The following SEMA3A variants were observed in gnomAD, a reference collection of about 807,000 sequenced individuals.
SEMA3A encodes semaphorin-3A.
A neutral mutation model predicts 97.9 loss-of-function variants in SEMA3A; 29 were observed. That is an observed-to-expected ratio of 0.30 (90% confidence interval 0.22 to 0.40). The LOEUF (loss-of-function observed/expected upper bound fraction) is 0.40, where lower values mean the gene tolerates loss of function less well. Ranked by LOEUF, SEMA3A falls within the 10% of genes least tolerant of loss-of-function variation. The probability of loss-of-function intolerance (pLI) is 1.00; values close to 1 mark genes in which losing one functional copy is unlikely to be tolerated. For synonymous variants in SEMA3A, 321 were observed against 323.7 expected, an observed-to-expected ratio of 0.99 and a Z score of 0.09; for missense variants, 763 against 951.3, an observed-to-expected ratio of 0.80 and a Z score of 2.60.
chr7:84,098,271 TTTTTA>T (rs1240335864), intron 4 of SEMA3A, among the ~76,000 whole-genome samples: 1 of 152,054 alleles, frequency 6.6e-6, no homozygotes, highest in Non-Finnish European at 1.5e-5. Flanking sequence ...TTTATTTTTA[TTTTTA>T]TTTTAAGTAA....
intron 3 of SEMA3A, among the ~76,000 whole-genome samples, chr7:84,229,861 T>G (rs1368501334): frequency 6.6e-6 from 1 of 151,906 alleles, no homozygotes; most frequent in Non-Finnish European, 1.5e-5. Flanking sequence ...AAAACAATTG[T>G]AGTAAAGAAC....
intron 1 of SEMA3A, among the ~76,000 whole-genome samples, chr7:84,410,543 C>G (rs1562937745): frequency 6.6e-6 from 1 of 152,000 alleles, no homozygotes; most frequent in Non-Finnish European, 1.5e-5. Flanking sequence ...GTGCTAGTTT[C>G]CAATAAAGGA....
intron 3 of SEMA3A, among the ~76,000 whole-genome samples, chr7:84,280,930 CA>C (rs1378558713): frequency 1.3e-5 from 2 of 152,048 alleles, no homozygotes; most frequent in Non-Finnish European, 2.9e-5. Context: ...CCCTAAATGA[CA>C]GAATGAATCT....
intron 14 of SEMA3A, among the ~76,000 whole-genome samples, chr7:83,978,442 C>G (rs1018150202): frequency 3.3e-5 from 5 of 152,168 alleles, no homozygotes; most frequent in Admixed American, 2.0e-4. Flanking sequence ...TGTGAAGTTC[C>G]AGGAAGAGGC....
intron 4 of SEMA3A, among the ~76,000 whole-genome samples, chr7:84,086,525 ATATATTAT>A (rs1794365248): frequency 8.8e-5 from 6 of 68,264 alleles, no homozygotes; most frequent in Non-Finnish European, 1.9e-4. Context: ...TTTATATATA[ATATATTAT>A]TATATTATAT....
At position 84,416,787 on chromosome 7, in the gene SEMA3A, G is replaced by C. The variant is rs190935055; in HGVS notation, c.-245-44887C>G. Among the ~76,000 whole-genome samples the C allele has an allele frequency of 1.9e-3, 285 of 152,190 alleles. 1 individual carries two copies. The highest frequency in any genetic ancestry group is 0.014 in the Middle Eastern group (4 of 294). The stretch of plus-strand genomic sequence containing the variant: ...TTTCAAAAAATTGTTGTTCTCAAGT[G>C]TTCTCACTTTTCTTTGAAATTGGAC... On this transcript the variant is annotated intron_variant, in intron 1 of 3. Transcript: ENST00000424555.
chr7:84,177,628 C>T (rs1554340810), intron 1 of SEMA3A, among the ~76,000 whole-genome samples: 1 of 152,030 alleles, frequency 6.6e-6, no homozygotes, highest in Admixed American at 6.6e-5. Context: ...TTTTATCCAA[C>T]AATTAAATAT....
At chr7:84,026,172 C>G (rs1000314187) in intron 6 of SEMA3A, among the ~76,000 whole-genome samples, 7 of 152,120 alleles carry the variant, frequency 4.6e-5, no homozygotes, top group Non-Finnish European at 8.8e-5. Flanking sequence ...AGCATAAATA[C>G]ATAAAGTCAT....
intron 1 of SEMA3A, among the ~76,000 whole-genome samples, chr7:84,426,240 T>C (rs1804822531): frequency 6.6e-6 from 1 of 151,478 alleles, no homozygotes; most frequent in Non-Finnish European, 1.5e-5. Flanking sequence ...TATAGATACA[T>C]AGATAGATGA....
intron 1 of SEMA3A, among the ~76,000 whole-genome samples, chr7:84,436,814 T>G (rs1805143825): frequency 6.6e-6 from 1 of 152,144 alleles, no homozygotes; most frequent in South Asian, 2.1e-4. Context: ...CATTTATGAT[T>G]TATAGAGACT....
chr7:84,394,049 G>A (rs556783103), intron 1 of SEMA3A, among the ~76,000 whole-genome samples: 98 of 152,182 alleles, frequency 6.4e-4, no homozygotes, highest in Middle Eastern at 3.4e-3. Flanking sequence ...GAGCTGGCTG[G>A]TGTCACTTTT....
chr7:84,465,262 C>A (rs1805959946), intron 1 of SEMA3A, among the ~76,000 whole-genome samples: 1 of 152,126 alleles, frequency 6.6e-6, no homozygotes, highest in Non-Finnish European at 1.5e-5. Context: ...GATCTTCAAA[C>A]TGGATAAGGA....
chr7:84,135,821 T>A (rs905122337), intron 1 of SEMA3A, among the ~76,000 whole-genome samples: 3 of 152,198 alleles, frequency 2.0e-5, no homozygotes, highest in African/African-American at 4.8e-5. Context: ...GAAACTGAGA[T>A]GAGGCTTTCA....
chr7:84,024,121 G>A (rs1791451380), intron 6 of SEMA3A, among the ~76,000 whole-genome samples: 1 of 152,022 alleles, frequency 6.6e-6, no homozygotes, highest in African/African-American at 2.4e-5. Context: ...AACTCTTTCA[G>A]AAAGCAACAT....
chr7:84,187,227 C>T lies in SEMA3A; in HGVS notation c.112+7248G>A, dbSNP rs138781125. On this transcript the variant is annotated intron_variant, in intron 1 of 16. Transcript: ENST00000265362. ...AATTACTCAAGGATTACACTTACAA[C>T]TTCATTTGGTAGAACTGATTTGATC... Among the ~76,000 whole-genome samples the T allele has an allele frequency of 2.2e-3, 341 of 152,312 alleles. 2 individuals are homozygous for T. Among genetic ancestry groups the T allele is most frequent in the African/African-American group, 7.3e-3 (305 of 41,576 alleles).
intron 4 of SEMA3A, among the ~76,000 whole-genome samples, chr7:84,076,089 T>C (rs1793936663): frequency 6.6e-6 from 1 of 152,148 alleles, no homozygotes; most frequent in African/African-American, 2.4e-5. Flanking sequence ...AGGAAGCATA[T>C]GCAAAACCTA....
At chr7:84,064,857 T>C (rs556031525) in intron 4 of SEMA3A, among the ~76,000 whole-genome samples, 176 of 151,918 alleles carry the variant, frequency 1.2e-3, no homozygotes, top group African/African-American at 4.1e-3. Context: ...ATTAGACAGA[T>C]CAACGAGACA....
intron 4 of SEMA3A, among the ~76,000 whole-genome samples, chr7:84,078,466 T>G (rs1280309647): frequency 2.0e-5 from 3 of 152,152 alleles, no homozygotes; most frequent in African/African-American, 7.2e-5. Context: ...CCATTGTAAC[T>G]CATTTGATCT....
At chr7:84,190,747 A>T (rs1011890332) in intron 1 of SEMA3A, among the ~76,000 whole-genome samples, 5 of 147,268 alleles carry the variant, frequency 3.4e-5, no homozygotes, top group African/African-American at 5.0e-5. Context: ...ACACACACAC[A>T]TATATATAAT....
Sources: allele counts gnomAD v4.1 joint callset (sites outside exome capture counted in the v4.1 genomes callset), GRCh38; gene constraint gnomAD v4.1.1; transcripts MANE v1.5; gene names NCBI Gene and HGNC (gene_info 2026-07-23, HGNC 2026-07-21).